Variants in NTN1 observed in about 807,000 individuals in gnomAD.
The protein encoded by NTN1 is netrin 1.
Under a neutral mutation model 54.2 loss-of-function variants are expected in NTN1, and 11 were observed. The observed-to-expected ratio is 0.20, with a 90% CI of 0.13 to 0.34. NTN1 has a LOEUF of 0.34. NTN1 is among the 10% of genes least tolerant of loss of function. The probability of loss-of-function intolerance (pLI) is 1.00; values close to 1 mark genes in which losing one functional copy is unlikely to be tolerated. For synonymous variants in NTN1, 371 were observed against 382.0 expected, an observed-to-expected ratio of 0.97 and a Z score of 0.33; for missense variants, 740 against 893.1, an observed-to-expected ratio of 0.83 and a Z score of 2.18.
chr17:9,021,652 C>CG (rs1452340698), intron 1 of NTN1, 67 bp downstream of exon 1: 1 of 151,946 alleles, frequency 6.6e-6, no homozygotes, highest in Non-Finnish European at 1.5e-5. Context: ...CGGCGGGAGC[C>CG]GGGCGGCCGC....
chr17:9,007,052 G>A, the NTN1 span, among the ~76,000 whole-genome samples: 7 of 152,214 alleles, frequency 4.6e-5, no homozygotes, highest in South Asian at 2.1e-4. Context: ...AATGCTAGCC[G>A]CCATGGTTAT....
chr17:9,156,880 C>A (rs1392014982), intron 2 of NTN1, among the ~76,000 whole-genome samples: 1 of 152,162 alleles, frequency 6.6e-6, no homozygotes, highest in African/African-American at 2.4e-5. Flanking sequence ...ACCCGCTTGC[C>A]TGTCTACCTG....
intron 2 of NTN1, among the ~76,000 whole-genome samples, chr17:9,098,985 T>C (rs1290823124): frequency 6.6e-6 from 1 of 152,248 alleles, no homozygotes; most frequent in Non-Finnish European, 1.5e-5. Context: ...TTCGTTTTCC[T>C]TTGTACATGA....
chr17:9,062,646 G>A (rs1190366017), intron 2 of NTN1, among the ~76,000 whole-genome samples: 1 of 152,164 alleles, frequency 6.6e-6, no homozygotes, highest in African/African-American at 2.4e-5. Context: ...ATGTTATTCA[G>A]GGCAATCAGG....
chr17:9,150,616 C>T (rs1010388530), intron 2 of NTN1, among the ~76,000 whole-genome samples: 4 of 152,318 alleles, frequency 2.6e-5, no homozygotes, highest in Admixed American at 2.0e-4. Context: ...GAGAGGGGCC[C>T]GCCCGCCGGG....
intron 3 of NTN1, among the ~76,000 whole-genome samples, chr17:9,169,819 C>T (rs536834550): frequency 9.2e-5 from 14 of 152,226 alleles, no homozygotes; most frequent in East Asian, 3.9e-4. Flanking sequence ...GAGCCGAGAT[C>T]GCACCATTGC....
chr17:9,063,959 A>G (rs2030795), intron 2 of NTN1, among the ~76,000 whole-genome samples: 113,629 of 152,080 alleles, frequency 0.75, 42,736 homozygotes, highest in East Asian at 1. Flanking sequence ...GTTTTCCAGT[A>G]TGATTTATTT....
chr17:9,236,132 G>T (rs1009522874), intron 6 of NTN1, among the ~76,000 whole-genome samples: 5 of 149,512 alleles, frequency 3.3e-5, no homozygotes, highest in Non-Finnish European at 5.9e-5. Context: ...TTTGGGGGGG[G>T]GGGTACTAAC....
intron 6 of NTN1, among the ~76,000 whole-genome samples, chr17:9,227,156 G>A (rs570721557): frequency 2.0e-5 from 3 of 152,062 alleles, no homozygotes; most frequent in South Asian, 2.1e-4. Flanking sequence ...CTGTGCTCAC[G>A]TCCACACCAC....
chr17:9,077,154 T>A (rs2092053210), intron 2 of NTN1, among the ~76,000 whole-genome samples: 1 of 151,918 alleles, frequency 6.6e-6, no homozygotes, highest in Non-Finnish European at 1.5e-5. Context: ...GGAGGTACAA[T>A]GTCTCTAAAA....
Position 9,221,158 on chromosome 17 carries a change from C to A in NTN1, c.1412-10C>A, listed in dbSNP as rs1905339822. ...GTTTTTGTCTGTGCTCCCCCCCCAC[C>A]CCCCTGCAGACTGCGATTCCTACTG... On this transcript the variant is annotated splice_polypyrimidine_tract_variant and intron_variant, in intron 5 of 6. Coordinates refer to ENST00000173229, the MANE Select transcript of NTN1 (RefSeq NM_004822.3). This position sits in a 1 kb window ranked among gnomAD's most constrained non-coding sequence, Gnocchi z 4.5. 4 of 1,575,928 alleles carry A rather than the reference C, an allele frequency of 2.5e-6. No individual in the cohort carries two copies. The highest frequency in any genetic ancestry group is 1.1e-5 in the South Asian group (1 of 90,240).
the NTN1 span, among the ~76,000 whole-genome samples, chr17:9,010,615 G>C: frequency 4.6e-5 from 7 of 152,160 alleles, no homozygotes; most frequent in African/African-American, 1.7e-4. Flanking sequence ...TCTGAGATTT[G>C]CTGGGATATT....
rs149268708 is a variant in NTN1, at chr17:9,039,577, T to C, written c.1018+16186T>C. On this transcript the variant is annotated intron_variant, in intron 2 of 6. Coordinates refer to ENST00000173229, the MANE Select transcript of NTN1 (RefSeq NM_004822.3). ...TATAACTTGGTAAGTTTGACTTATG[T>C]ATACACCTGTGAAACCATCACCACA... 8.0e-4 allele frequency among the ~76,000 whole-genome samples: 122 copies of C among 152,340 alleles called. 1 individual carries two copies. Among genetic ancestry groups the C allele is most frequent in the Non-Finnish European group, 1.2e-3 (80 of 68,028 alleles).
Position 9,103,929 on chromosome 17 carries a change from A to G in NTN1, c.1019-58884A>G, listed in dbSNP as rs1313816934. Among the ~76,000 whole-genome samples, 8 of 151,996 alleles carry G rather than the reference A, an allele frequency of 5.3e-5. No individual in the cohort carries two copies. In the East Asian group the frequency reaches 1.6e-3, roughly 29 times the overall value. ...GGCGAAACTCCATCTCTACTAAAAA[A>G]TACAAAAAAATTAGCCAGGTGTGAT... On this transcript the variant is annotated intron_variant, in intron 2 of 6. Transcript: ENST00000173229.
At chr17:9,181,000 C>G (rs762088379) in intron 4 of NTN1, among the ~76,000 whole-genome samples, 1 of 152,148 alleles carries the variant, frequency 6.6e-6, no homozygotes, top group Non-Finnish European at 1.5e-5. Context: ...TGAGGTCTCC[C>G]GTCAGGGAAT....
chr17:9,241,905 C>G lies in NTN1; in HGVS notation c.*1937C>G, dbSNP rs116437061. 6.6e-6 allele frequency: 1 copy of G among 152,292 alleles called. No individual in the cohort carries two copies. The highest frequency in any genetic ancestry group is 1.5e-5 in the Non-Finnish European group (1 of 68,082). The allele number at this position is 152,292 out of a possible 1,614,324, so 9.4% of individuals were successfully genotyped here. ...CTGCACTCCAGCTCTGCAGCCTACCCGCCCAATCCCTGTGCAGGCTGGGAG... is the reference window on the plus strand; with the variant it reads ...CTGCACTCCAGCTCTGCAGCCTACCGGCCCAATCCCTGTGCAGGCTGGGAG... On this transcript the variant is annotated 3_prime_UTR_variant, in exon 7 of 7. Transcript: ENST00000173229.
rs191567820 is a variant in NTN1 at position 9,192,055 on chromosome 17, T to G, written c.1411+9086T>G. ...AATTATTCTCTGTGTTGAAAAGGGT[T>G]GGGGAAGCAGGTACCCACCTACTCT... On this transcript the variant is annotated intron_variant, in intron 5 of 6. Coordinates refer to ENST00000173229, the MANE Select transcript of NTN1 (RefSeq NM_004822.3). Among the ~76,000 whole-genome samples, 20 of 152,100 alleles carry G rather than the reference T, an allele frequency of 1.3e-4. No individual in the cohort carries two copies. The East Asian group carries it at 3.9e-3, about 29-fold the overall frequency.
At chr17:9,193,333 A>G (rs1033483558) in intron 5 of NTN1, among the ~76,000 whole-genome samples, 25 of 152,330 alleles carry the variant, frequency 1.6e-4, no homozygotes, top group Admixed American at 1.3e-3. Context: ...GGAGAAAAGC[A>G]TGGGGGACAG....
intron 5 of NTN1, among the ~76,000 whole-genome samples, chr17:9,191,872 A>T (rs1475177988): frequency 3.6e-5 from 5 of 140,744 alleles, no homozygotes; most frequent in African/African-American, 1.4e-4. Flanking sequence ...TACTAAAAAA[A>T]AAAAAAAAAA....
Sources: gnomAD v4.1 joint callset for allele counts (sites outside exome capture counted in the v4.1 genomes callset) on GRCh38, gnomAD v4.1.1 for gene constraint, Gnocchi (gnomAD v3.1) non-coding constraint, MANE v1.5 for transcripts, NCBI Gene and HGNC (gene_info 2026-07-23, HGNC 2026-07-21) for gene names.